Variants in UNC80 observed in about 807,000 individuals in gnomAD.
The protein encoded by UNC80 is unc-80 subunit of NALCN channel complex.
In UNC80, 164 loss-of-function variants were observed where a neutral mutation model predicts 384.6. The ratio of observed to expected loss-of-function variants is 0.43; its 90% CI spans 0.38 to 0.49. UNC80 has a LOEUF of 0.49. UNC80 is among the 20% of genes least tolerant of loss of function. UNC80 has a pLI of 0.00. For missense variants in UNC80, 3,330 were observed against 4,143.0 expected (o/e 0.80, Z 5.39); for synonymous variants, 1,486 against 1,527.8 (o/e 0.97, Z 0.64).
At chr2:209,874,998 C>G (rs549068355) in intron 23 of UNC80, among the ~76,000 whole-genome samples, 1 of 152,248 alleles carries the variant, frequency 6.6e-6, no homozygotes, top group South Asian at 2.1e-4. Context: ...TCACTGAAGC[C>G]CCTTAGGCCA....
intron 56 of UNC80, among the ~76,000 whole-genome samples, 180 bp from the exon 57 acceptor site, chr2:209,975,939 C>T (rs570866404): frequency 7.2e-4 from 109 of 152,242 alleles, no homozygotes; most frequent in Non-Finnish European, 1.4e-3. Context: ...TTAGCATACA[C>T]GTTTTTGTCT....
chr2:209,947,037 G>A (rs1044990332), intron 47 of UNC80, among the ~76,000 whole-genome samples: 4 of 152,146 alleles, frequency 2.6e-5, no homozygotes, highest in African/African-American at 4.8e-5. Context: ...GGTCAGGCAC[G>A]GATGTGGCTG....
intron 60 of UNC80, 71 bp from the exon 61 acceptor site, chr2:209,984,785 C>T (rs191990230): frequency 1.4e-6 from 2 of 1,402,616 alleles, no homozygotes; most frequent in East Asian, 5.1e-5. Context: ...AAATTGCATG[C>T]CTTTTTTCTT....
At chr2:209,962,277 G>A (rs1048319271) in intron 51 of UNC80, among the ~76,000 whole-genome samples, 9 of 152,286 alleles carry the variant, frequency 5.9e-5, no homozygotes, top group African/African-American at 2.2e-4. Flanking sequence ...GAGGAAAAGG[G>A]TCTCCAGTTT....
chr2:209,794,287 C>G (rs754685044), intron 7 of UNC80, among the ~76,000 whole-genome samples: 4 of 152,020 alleles, frequency 2.6e-5, no homozygotes, highest in Non-Finnish European at 5.9e-5. Flanking sequence ...CTAACCCTAC[C>G]CTTGTTATTT....
At chr2:209,780,670 T>G (rs1263181922) in intron 4 of UNC80, among the ~76,000 whole-genome samples, 2 of 152,148 alleles carry the variant, frequency 1.3e-5, no homozygotes, top group African/African-American at 2.4e-5. Flanking sequence ...CACAGATGAC[T>G]CCAGATGTTG....
chr2:209,881,399 G>A (rs560065801), intron 25 of UNC80, among the ~76,000 whole-genome samples: 69 of 152,172 alleles, frequency 4.5e-4, no homozygotes, highest in African/African-American at 1.6e-3. Flanking sequence ...CTGAAAATAT[G>A]AGGAGTTTTA....
intron 22 of UNC80, among the ~76,000 whole-genome samples, chr2:209,856,324 A>G (rs1574760502): frequency 6.6e-6 from 1 of 152,056 alleles, no homozygotes; most frequent in East Asian, 1.9e-4. Context: ...CTGATATTTA[A>G]AAGATTATAG....
intron 47 of UNC80, among the ~76,000 whole-genome samples, chr2:209,952,395 G>C (rs1446544819): frequency 6.6e-6 from 1 of 152,194 alleles, no homozygotes; most frequent in Non-Finnish European, 1.5e-5. Context: ...TTGGGTTTCA[G>C]TCTTTGTAAG....
chr2:209,846,832 A>C (rs2082205385), intron 21 of UNC80, among the ~76,000 whole-genome samples: 1 of 152,218 alleles, frequency 6.6e-6, no homozygotes, highest in African/African-American at 2.4e-5. Context: ...TTACTTTTTG[A>C]CATTTCTTTT....
intron 14 of UNC80, 139 bp downstream of exon 14, chr2:209,826,192 A>G (rs991593320): frequency 9.2e-7 from 1 of 1,082,048 alleles, no homozygotes. Flanking sequence ...TTTTGGTGTG[A>G]GGAGATTCTC....
intron 17 of UNC80, among the ~76,000 whole-genome samples, chr2:209,834,536 A>G (rs1201656727): frequency 6.6e-6 from 1 of 152,204 alleles, no homozygotes. Context: ...CTGTTCAGTA[A>G]ATTCTACTCT....
intron 52 of UNC80, chr2:209,968,389 A>C (rs1004399803): frequency 6.6e-6 from 1 of 152,148 alleles, no homozygotes; most frequent in Non-Finnish European, 1.5e-5. Context: ...AACTAAACCC[A>C]AAAATCAGTG....
At chr2:209,786,696 A>G (rs1446545549) in intron 5 of UNC80, among the ~76,000 whole-genome samples, 2 of 152,136 alleles carry the variant, frequency 1.3e-5, no homozygotes, top group South Asian at 2.1e-4. Context: ...ACACAACATC[A>G]TAGATTGAAA....
At chr2:209,828,321 G>T (rs1159228170) in intron 14 of UNC80, among the ~76,000 whole-genome samples, 1 of 152,018 alleles carries the variant, frequency 6.6e-6, no homozygotes, top group East Asian at 1.9e-4. Context: ...AAATGAGTTT[G>T]TTCAATATCT....
intron 30 of UNC80, among the ~76,000 whole-genome samples, chr2:209,913,036 A>G (rs1208481909): frequency 6.6e-6 from 1 of 152,164 alleles, no homozygotes; most frequent in Non-Finnish European, 1.5e-5. Context: ...TGGGCAAGTT[A>G]TTTAATTTCT....
At chr2:209,920,647 A>G (rs1035721571) in intron 33 of UNC80, among the ~76,000 whole-genome samples, 2 of 152,120 alleles carry the variant, frequency 1.3e-5, no homozygotes, top group African/African-American at 4.8e-5. Flanking sequence ...CAGCTCTCAT[A>G]TTTTTCATTC....
At chr2:209,862,410 T>C (rs1350343268) in intron 22 of UNC80, among the ~76,000 whole-genome samples, 1 of 152,180 alleles carries the variant, frequency 6.6e-6, no homozygotes, top group Non-Finnish European at 1.5e-5. Flanking sequence ...CTGTCTAATA[T>C]TGACAGTGGG....
At chr2:209,927,309 G>C (rs556585551) in intron 36 of UNC80, among the ~76,000 whole-genome samples, 9 of 152,292 alleles carry the variant, frequency 5.9e-5, no homozygotes, top group Admixed American at 2.0e-4. Flanking sequence ...CTATTAGCTT[G>C]ACACCACTAA....
Sources: allele counts gnomAD v4.1 joint callset (sites outside exome capture counted in the v4.1 genomes callset), GRCh38; gene constraint gnomAD v4.1.1; transcripts MANE v1.5; gene names NCBI Gene and HGNC (gene_info 2026-07-23, HGNC 2026-07-21).